BSCL2: variants seen among roughly 807,000 people sequenced by gnomAD.
The protein encoded by BSCL2 is BSCL2 lipid droplet biogenesis associated, seipin.
In BSCL2, 41 loss-of-function variants were observed where a neutral mutation model predicts 57.4. That is an observed-to-expected ratio of 0.71 (90% CI 0.56 to 0.93). The LOEUF is 0.93. Ranked by LOEUF, BSCL2 falls within the 40% of genes least tolerant of loss-of-function variation. The pLI, the probability that BSCL2 is intolerant of heterozygous loss-of-function variation, is 0.00. For missense variants in BSCL2, 539 were observed against 586.7 expected (o/e 0.92, Z 0.84); for synonymous variants, 237 against 227.3 (o/e 1.04, Z -0.38).
At chr11:62,694,499 C>A in intron 4 of BSCL2, 69 bp downstream of exon 4, 2 of 1,610,376 alleles carry the variant, frequency 1.2e-6, no homozygotes, top group Admixed American at 3.3e-5. Flanking sequence ...GCCACCACAC[C>A]CAGCCCCCTA....
chr11:62,700,910 G>A (rs1211302692), intron 3 of BSCL2, among the ~76,000 whole-genome samples: 1 of 151,192 alleles, frequency 6.6e-6, no homozygotes, highest in Non-Finnish European at 1.5e-5. Flanking sequence ...GTGAGATCGC[G>A]CCACTGCACT....
Position 62,705,387 on chromosome 11 carries a change from G to C in BSCL2, c.318C>G (p.Leu106=). The C allele has an allele frequency of 6.2e-7, 1 of 1,614,212 alleles. No individual in the cohort carries two copies. The highest frequency in any genetic ancestry group is 2.2e-5 in the East Asian group (1 of 44,890). The part of the protein sequence containing the change: ...GVLFCTILLL[L]WVSVFLYGSF... ...AGCCATAGAGGAAGACAGACACCCA[G>C]AGCAAAAGGAGGATGGTGCAGAAGA... Residue 106 remains leucine (L), a synonymous_variant, in exon 2 of 11, where the codon CTC becomes CTG. Coordinates refer to ENST00000360796, the MANE Select transcript of BSCL2 (RefSeq NM_001122955.4).
At chr11:62,697,623 TA>T (rs879566454) in intron 3 of BSCL2, 1,673 of 136,880 alleles carry the variant, frequency 0.012, 13 homozygotes, top group African/African-American at 0.034. Context: ...CCGTCTCTAC[TA>T]AAAAAAAAAA....
upstream of BSCL2, chr11:62,708,344 C>G: frequency 6.2e-7 from 1 of 1,613,776 alleles, no homozygotes; most frequent in Non-Finnish European, 8.5e-7. Context: ...TGGGCAAGCA[C>G]GCAAGATGGT....
At chr11:62,706,467 GCGGCAGGTTT>G (rs2083539934) in intron 1 of BSCL2, 10 of 405,014 alleles carry the variant, frequency 2.5e-5, no homozygotes, top group Non-Finnish European at 4.6e-5. Context: ...GGCTCTCTCT[GCGGCAGGTTT>G]CCCTCCGGTT....
At chr11:62,702,270 T>C (rs1945664393) in intron 3 of BSCL2, among the ~76,000 whole-genome samples, 198 bp downstream of exon 3, 1 of 152,164 alleles carries the variant, frequency 6.6e-6, no homozygotes. Context: ...TTCTCCGCGT[T>C]GGTCAGGCTG....
In BSCL2 at chr11:62,691,421, T is replaced by C. The variant is rs1945307948; in HGVS notation, c.864A>G (p.Arg288=). 1 of 1,614,160 alleles carries C rather than the reference T, an allele frequency of 6.2e-7. No individual in the cohort carries two copies. Among genetic ancestry groups the C allele is most frequent in the Non-Finnish European group, 8.5e-7 (1 of 1,180,004 alleles). ...TCATCGGGAAGTTGTATAGCAGGTA[T>C]CTGAGGCAGGAAGTAGGGACAAGAA... The part of the protein sequence containing the change: ...LRIHAHFTGL[R]YLLYNFPMTC... The change falls in exon 7 of 11, where the codon AGA becomes AGG. Residue 288 remains arginine, a splice_region_variant and synonymous_variant. Transcript: ENST00000360796.
At chr11:62,708,334 T>G (rs1389661611), upstream of BSCL2, 4 of 1,613,812 alleles carry the variant, frequency 2.5e-6, no homozygotes, top group South Asian at 4.4e-5. Context: ...CTATGAGTAT[T>G]GGGCAAGCAC....
chr11:62,692,328 T>C, intron 6 of BSCL2, 48 bp downstream of exon 6: 1 of 1,584,028 alleles, frequency 6.3e-7, no homozygotes, highest in Non-Finnish European at 8.7e-7. Flanking sequence ...GGTGGAAGGT[T>C]AGCCCCCGTG....
chr11:62,697,037 CA>C (rs534626710), intron 3 of BSCL2, among the ~76,000 whole-genome samples: 2,918 of 136,054 alleles, frequency 0.021, 61 homozygotes, highest in African/African-American at 0.059. Context: ...GACCCCAATT[CA>C]AAAAAAAAAA....
chr11:62,702,602 C>T, intron 2 of BSCL2, 53 bp from the exon 3 acceptor site: 1 of 1,506,700 alleles, frequency 6.6e-7, no homozygotes, highest in East Asian at 2.3e-5. Context: ...CTAGTCCATC[C>T]ATACACCTTC....
chr11:62,699,675 GTTTTTTTTTTT>G (rs71056548), intron 3 of BSCL2, among the ~76,000 whole-genome samples: 1 of 87,210 alleles, frequency 1.1e-5, no homozygotes, highest in Non-Finnish European at 2.3e-5. Flanking sequence ...ATCCTATCTG[GTTTTTTTTTTT>G]TTTTTTTTTT....
At chr11:62,702,691 AC>A in intron 2 of BSCL2, 142 bp from the exon 3 acceptor site, 1 of 690,328 alleles carries the variant, frequency 1.4e-6, no homozygotes. Context: ...AAGATGGAGA[AC>A]AAATGTGGCC....
chr11:62,705,596 G>A lies in BSCL2; in HGVS notation c.109C>T (p.His37Tyr), dbSNP rs761845256. The A allele has an allele frequency of 6.4e-7, 1 of 1,551,916 alleles. No individual in the cohort carries two copies. The highest frequency in any genetic ancestry group is 2.3e-5 in the East Asian group (1 of 43,248). The change falls in exon 2 of 11, where the codon CAT becomes TAT. Residue 37 changes from histidine to tyrosine, a missense_variant. Physicochemically the swap from His to Tyr is moderately conservative, Grantham distance 83. Coordinates refer to ENST00000360796, the MANE Select transcript of BSCL2 (RefSeq NM_001122955.4). ...CCACCTGGACGCCACCCCTGGCCATGGGATGCAGCAGCTGGTGGTTCCTGG... is the reference window on the plus strand; with the variant it reads ...CCACCTGGACGCCACCCCTGGCCATAGGATGCAGCAGCTGGTGGTTCCTGG... ...KEEEPPAAAS[H>Y]GQGWRPGGRA...
At chr11:62,701,927 G>T (rs1030088644) in intron 3 of BSCL2, among the ~76,000 whole-genome samples, 31 of 152,118 alleles carry the variant, frequency 2.0e-4, no homozygotes, top group African/African-American at 4.8e-5. Context: ...TTGCACCACA[G>T]TAAGTTGAAA....
intron 3 of BSCL2, among the ~76,000 whole-genome samples, chr11:62,700,513 C>A (rs1048974892): frequency 5.9e-5 from 9 of 152,014 alleles, no homozygotes; most frequent in African/African-American, 2.2e-4. Flanking sequence ...TGGTGGCATA[C>A]GCCTGTAACC....
intron 4 of BSCL2, among the ~76,000 whole-genome samples, chr11:62,693,974 C>T (rs903826404): frequency 2.0e-5 from 3 of 151,904 alleles, no homozygotes; most frequent in African/African-American, 7.3e-5. Flanking sequence ...ACCACCATGC[C>T]CAGCTAATTT....
chr11:62,697,957 G>T (rs1945523829), intron 3 of BSCL2, among the ~76,000 whole-genome samples: 1 of 150,130 alleles, frequency 6.7e-6, no homozygotes, highest in South Asian at 2.1e-4. Context: ...GCCCAGGCTG[G>T]AGTGCAGTGG....
chr11:62,707,537 T>G (rs2083563202), upstream of BSCL2: 1 of 605,616 alleles, frequency 1.7e-6, no homozygotes, highest in Admixed American at 2.8e-5. Context: ...TGGGGAGGTC[T>G]CTAGCCCAGA....
Sources: allele counts gnomAD v4.1 joint callset (sites outside exome capture counted in the v4.1 genomes callset), GRCh38; gene constraint gnomAD v4.1.1; transcripts MANE v1.5; gene names NCBI Gene and HGNC (gene_info 2026-07-23, HGNC 2026-07-21).